Variants in ADGRV1 observed in about 807,000 individuals in gnomAD.
ADGRV1 encodes G-protein coupled receptor 98.
Under a neutral mutation model 596.2 loss-of-function variants are expected in ADGRV1, and 359 were observed. The ratio of observed to expected loss-of-function variants is 0.60; its 90% confidence interval spans 0.55 to 0.66. The LOEUF (loss-of-function observed/expected upper bound fraction) is 0.66. ADGRV1 is among the 30% of genes least tolerant of loss of function. ADGRV1 has a pLI of 0.00. For synonymous variants in ADGRV1, 2,681 were observed against 2,679.2 expected (o/e 1.00, Z -0.02); for missense variants, 7,274 against 7,575.6 (o/e 0.96, Z 1.48).
intron 83 of ADGRV1, among the ~76,000 whole-genome samples, chr5:90,891,594 T>C (rs1770830167): frequency 6.6e-6 from 1 of 152,038 alleles, no homozygotes; most frequent in Non-Finnish European, 1.5e-5. Flanking sequence ...AATTATGGTG[T>C]GATGATAAAA....
intron 70 of ADGRV1, among the ~76,000 whole-genome samples, chr5:90,796,883 G>A (rs538224123): frequency 6.6e-6 from 1 of 152,234 alleles, no homozygotes; most frequent in African/African-American, 2.4e-5. Context: ...AGCTTCATAA[G>A]TGAAGGAGAA....
intron 2 of ADGRV1, among the ~76,000 whole-genome samples, chr5:90,615,572 G>A (rs1763261466): frequency 6.6e-6 from 1 of 151,866 alleles, no homozygotes; most frequent in Non-Finnish European, 1.5e-5. Flanking sequence ...AGAAAGTTAT[G>A]TCATGTGACC....
chr5:90,655,415 A>G (rs1769261536), intron 20 of ADGRV1: 1 of 152,186 alleles, frequency 6.6e-6, no homozygotes, highest in Non-Finnish European at 1.5e-5. Flanking sequence ...ATGTAACTGT[A>G]ACACAATTTA....
chr5:91,017,526 A>G (rs964901103), intron 85 of ADGRV1, among the ~76,000 whole-genome samples: 1 of 152,040 alleles, frequency 6.6e-6, no homozygotes, highest in Admixed American at 6.6e-5. Flanking sequence ...GGGTGATTGC[A>G]GGCAAAACAA....
chr5:91,002,789 T>C (rs1253896689), intron 85 of ADGRV1, among the ~76,000 whole-genome samples: 1 of 152,180 alleles, frequency 6.6e-6, no homozygotes, highest in African/African-American at 2.4e-5. Flanking sequence ...GTTCACTTTC[T>C]TCTTAGAATC....
intron 49 of ADGRV1, 73 bp downstream of exon 49, chr5:90,729,006 A>G: frequency 9.5e-7 from 1 of 1,058,126 alleles, no homozygotes; most frequent in Non-Finnish European, 1.3e-6. Flanking sequence ...TATATTTTAT[A>G]TGAAAATGCT....
intron 3 of ADGRV1, 29 bp from the exon 4 acceptor site, chr5:90,619,057 A>C (rs764455116): frequency 9.6e-7 from 1 of 1,038,502 alleles, no homozygotes; most frequent in Admixed American, 3.0e-5. Flanking sequence ...TTTTTAATTC[A>C]TTATTTTATT....
chr5:91,129,082 A>C (rs151273420), intron 87 of ADGRV1, among the ~76,000 whole-genome samples: 1,579 of 152,354 alleles, frequency 0.01, 34 homozygotes, highest in African/African-American at 0.036. Flanking sequence ...AAAATGATTT[A>C]GAATGTTTTC....
intron 41 of ADGRV1, 132 bp from the exon 42 acceptor site, chr5:90,712,155 A>C (rs1561575293): frequency 1.8e-6 from 1 of 546,846 alleles, no homozygotes; most frequent in Admixed American, 3.8e-5. Flanking sequence ...ACCAAAATAT[A>C]AGGAGACAAA....
intron 83 of ADGRV1, among the ~76,000 whole-genome samples, chr5:90,876,102 G>A (rs1436126797): frequency 6.6e-6 from 1 of 152,096 alleles, no homozygotes; most frequent in Non-Finnish European, 1.5e-5. Flanking sequence ...TAGTTTCTGA[G>A]TTTATTGTAT....
At chr5:90,728,602 T>G in intron 48 of ADGRV1, 67 bp from the exon 49 acceptor site, 1 of 1,284,926 alleles carries the variant, frequency 7.8e-7, no homozygotes, top group Non-Finnish European at 1.1e-6. Context: ...CATATGGTAT[T>G]GATTACATTC....
chr5:90,585,146 G>T (rs1446294448), intron 1 of ADGRV1, among the ~76,000 whole-genome samples: 1 of 152,178 alleles, frequency 6.6e-6, no homozygotes, highest in Admixed American at 6.5e-5. Flanking sequence ...TGAGTTGTGA[G>T]AAATTATCCA....
chr5:91,051,432 T>A (rs544440247), intron 85 of ADGRV1, among the ~76,000 whole-genome samples: 179 of 152,302 alleles, frequency 1.2e-3, no homozygotes, highest in African/African-American at 4.1e-3. Flanking sequence ...TAGATTACTT[T>A]GTTCAACTGT....
At chr5:91,157,683 A>G (rs1796585426) in intron 89 of ADGRV1, among the ~76,000 whole-genome samples, 1 of 152,232 alleles carries the variant, frequency 6.6e-6, no homozygotes, top group Admixed American at 6.5e-5. Context: ...TACCATTACA[A>G]TTATTCCTAG....
At chr5:91,077,030 A>C (rs1269278380) in intron 86 of ADGRV1, among the ~76,000 whole-genome samples, 1 of 152,136 alleles carries the variant, frequency 6.6e-6, no homozygotes, top group African/African-American at 2.4e-5. Context: ...CTCTCTTTGA[A>C]ACTTTTTGCT....
chr5:90,812,562 C>A (rs983696447), intron 74 of ADGRV1, among the ~76,000 whole-genome samples: 2 of 152,092 alleles, frequency 1.3e-5, no homozygotes, highest in Non-Finnish European at 2.9e-5. Flanking sequence ...GTGCAATAGA[C>A]CTCAAAACAT....
intron 83 of ADGRV1, among the ~76,000 whole-genome samples, chr5:90,952,367 T>C (rs895165793): frequency 6.6e-6 from 1 of 152,210 alleles, no homozygotes; most frequent in Non-Finnish European, 1.5e-5. Flanking sequence ...AATTGTGGAA[T>C]ACCATTAGTT....
At chr5:90,572,439 A>G (rs1245240131) in intron 1 of ADGRV1, among the ~76,000 whole-genome samples, 1 of 152,208 alleles carries the variant, frequency 6.6e-6, no homozygotes, top group African/African-American at 2.4e-5. Flanking sequence ...TCATCCATTC[A>G]TTCACCAAAT....
chr5:91,154,992 G>A (rs368597164), intron 89 of ADGRV1, among the ~76,000 whole-genome samples: 1 of 152,038 alleles, frequency 6.6e-6, no homozygotes, highest in African/African-American at 2.4e-5. Flanking sequence ...TGAGATTTTG[G>A]GTGGGGACAC....
Sources: gnomAD v4.1 joint callset for allele counts (sites outside exome capture counted in the v4.1 genomes callset) on GRCh38, gnomAD v4.1.1 for gene constraint, MANE v1.5 for transcripts, NCBI Gene and HGNC (gene_info 2026-07-23, HGNC 2026-07-21) for gene names.